Variants in GRHL2 observed in about 807,000 individuals in gnomAD.
GRHL2 encodes grainyhead like transcription factor 2.
In GRHL2, 21 loss-of-function variants were observed where a neutral mutation model predicts 83.8. The observed-to-expected ratio is 0.25, with a 90% CI of 0.18 to 0.36. The LOEUF is 0.36. GRHL2 is among the 10% of genes least tolerant of loss of function. The pLI, the probability that GRHL2 is intolerant of heterozygous loss-of-function variation, is 1.00. For missense variants in GRHL2, 623 were observed against 781.8 expected (o/e 0.80, Z 2.42); for synonymous variants, 280 against 278.9 (o/e 1.00, Z -0.04).
intron 1 of GRHL2, among the ~76,000 whole-genome samples, chr8:101,495,697 G>A (rs536022): frequency 1.3e-5 from 2 of 151,998 alleles, no homozygotes; most frequent in Non-Finnish European, 2.9e-5. Flanking sequence ...AACACATTCA[G>A]ATAGGCGTAA....
At chr8:101,510,353 CTTT>C (rs991638183) in intron 1 of GRHL2, among the ~76,000 whole-genome samples, 1 of 152,106 alleles carries the variant, frequency 6.6e-6, no homozygotes, top group African/African-American at 2.4e-5. Context: ...AGTTTTATGA[CTTT>C]TTCAGTAAAT....
chr8:101,515,424 T>C (rs1397195816), intron 1 of GRHL2, among the ~76,000 whole-genome samples: 1 of 152,224 alleles, frequency 6.6e-6, no homozygotes, highest in Non-Finnish European at 1.5e-5. Context: ...GATTCTGTCC[T>C]TGTTACAATA....
downstream of GRHL2, among the ~76,000 whole-genome samples, chr8:101,670,869 G>A (rs140372176): frequency 1.3e-4 from 20 of 152,344 alleles, no homozygotes; most frequent in Admixed American, 3.3e-4. Context: ...ATGTTTTGCC[G>A]TGTGCTGGAG....
chr8:101,603,881 C>T (rs1238701426), intron 8 of GRHL2, among the ~76,000 whole-genome samples: 2 of 151,920 alleles, frequency 1.3e-5, no homozygotes, highest in Non-Finnish European at 2.9e-5. Context: ...GCGGGCAGGG[C>T]CCAGTGTGTG....
intron 3 of GRHL2, among the ~76,000 whole-genome samples, chr8:101,555,980 G>T (rs541484): frequency 6.6e-6 from 1 of 151,788 alleles, no homozygotes; most frequent in Non-Finnish European, 1.5e-5. Flanking sequence ...TTTGAGATGG[G>T]GTTTTGCCCT....
At chr8:101,644,609 A>G (rs1276070659) in intron 13 of GRHL2, among the ~76,000 whole-genome samples, 1 of 152,220 alleles carries the variant, frequency 6.6e-6, no homozygotes, top group Non-Finnish European at 1.5e-5. Flanking sequence ...AATGAGCCTC[A>G]GGTTTCTGTG....
chr8:101,540,958 A>T (rs1811139976), intron 1 of GRHL2, among the ~76,000 whole-genome samples: 1 of 152,130 alleles, frequency 6.6e-6, no homozygotes, highest in South Asian at 2.1e-4. Context: ...AATGTTTATT[A>T]TATCACTCTG....
intron 13 of GRHL2, among the ~76,000 whole-genome samples, chr8:101,649,058 G>A (rs1227308876): frequency 5.3e-5 from 8 of 152,200 alleles, no homozygotes; most frequent in Non-Finnish European, 1.5e-5. Context: ...ATGGGCCCAG[G>A]TGGGCATTCA....
chr8:101,643,575 T>C (rs114053371), intron 12 of GRHL2, among the ~76,000 whole-genome samples: 1,887 of 152,246 alleles, frequency 0.012, 48 homozygotes, highest in African/African-American at 0.043. Flanking sequence ...AGCCAAGGTC[T>C]GAGTGTGTAA....
intron 1 of GRHL2, among the ~76,000 whole-genome samples, chr8:101,541,040 G>T (rs1477491911): frequency 6.6e-6 from 1 of 151,920 alleles, no homozygotes; most frequent in African/African-American, 2.4e-5. Flanking sequence ...GTTTTTTGTT[G>T]TTGTTGTTCC....
intron 12 of GRHL2, among the ~76,000 whole-genome samples, chr8:101,637,676 T>C (rs1045062693): frequency 3.3e-5 from 5 of 152,252 alleles, no homozygotes; most frequent in African/African-American, 1.2e-4. Context: ...CAGTCAGCCA[T>C]TTTCTACATG....
intron 1 of GRHL2, among the ~76,000 whole-genome samples, chr8:101,505,107 C>G (rs939462131): frequency 1.3e-5 from 2 of 152,024 alleles, no homozygotes; most frequent in Admixed American, 6.5e-5. Flanking sequence ...GAAACAGGAA[C>G]TAGTAGGTAT....
chr8:101,659,795 C>T (rs1239736002), intron 14 of GRHL2, among the ~76,000 whole-genome samples: 1 of 152,146 alleles, frequency 6.6e-6, no homozygotes. Context: ...GTCAACTGTA[C>T]ATTATTGAGT....
In GRHL2 at chr8:101,639,191, T is replaced by C. The variant is rs368291812; in HGVS notation, c.1517+2263T>C. 8.9e-4 allele frequency among the ~76,000 whole-genome samples: 135 copies of C among 152,320 alleles called. 4 individuals are homozygous for C. In the South Asian group the frequency reaches 0.014, roughly 16 times the overall value. On this transcript the variant is annotated intron_variant, in intron 12 of 15. Coordinates refer to ENST00000646743, the MANE Select transcript of GRHL2 (RefSeq NM_024915.4). ...TGTAACTCCATTGGTTTGACTTCTC[T>C]GTGTTGGCTCACCCTGTGTTATTGT...
At chr8:101,551,903 T>C (rs1811387204) in intron 2 of GRHL2, among the ~76,000 whole-genome samples, 1 of 151,112 alleles carries the variant, frequency 6.6e-6, no homozygotes, top group Non-Finnish European at 1.5e-5. Flanking sequence ...TGGCGCGATC[T>C]CGGCTCACTG....
chr8:101,506,301 G>A (rs1810339017), intron 1 of GRHL2, among the ~76,000 whole-genome samples: 1 of 152,234 alleles, frequency 6.6e-6, no homozygotes, highest in South Asian at 2.1e-4. Flanking sequence ...TGCTTATGGG[G>A]AAAAATTGGA....
At chr8:101,677,391 C>T in the GRHL2 span, among the ~76,000 whole-genome samples, 67 of 151,878 alleles carry the variant, frequency 4.4e-4, no homozygotes, top group East Asian at 0.01. Flanking sequence ...CTTGGGTTTC[C>T]TACTTCTTTG....
At chr8:101,636,726 C>CAA in intron 11 of GRHL2, 171 bp from the exon 12 acceptor site, 1 of 297,262 alleles carries the variant, frequency 3.4e-6, no homozygotes, top group South Asian at 4.4e-5. Flanking sequence ...CTTAGAAATA[C>CAA]ACACACACAC....
chr8:101,626,229 C>T (rs1269531601), intron 9 of GRHL2, among the ~76,000 whole-genome samples: 2 of 152,062 alleles, frequency 1.3e-5, no homozygotes, highest in Non-Finnish European at 2.9e-5. Flanking sequence ...TGGAATTCTG[C>T]ACTATTTACA....
Sources: gnomAD v4.1 joint callset for allele counts (sites outside exome capture counted in the v4.1 genomes callset) on GRCh38, gnomAD v4.1.1 for gene constraint, MANE v1.5 for transcripts, NCBI Gene and HGNC (gene_info 2026-07-23, HGNC 2026-07-21) for gene names.